GALNT13: variants seen among roughly 807,000 people sequenced by gnomAD.
GALNT13 encodes polypeptide N-acetylgalactosaminyltransferase 13.
GALNT13 carries 28 observed loss-of-function variants against 64.2 expected under a neutral mutation model. That is an observed-to-expected ratio of 0.44 (90% CI 0.32 to 0.60). The LOEUF (loss-of-function observed/expected upper bound fraction) is 0.60, where lower values mean the gene tolerates loss of function less well. Among genes scored for constraint, GALNT13 ranks in the 20% least tolerant of loss-of-function variants. The probability of loss-of-function intolerance (pLI) is 0.05; values close to 1 mark genes in which losing one functional copy is unlikely to be tolerated. For synonymous variants in GALNT13, 214 were observed against 224.6 expected, an observed-to-expected ratio of 0.95 and a Z score of 0.42; for missense variants, 577 against 669.8, an observed-to-expected ratio of 0.86 and a Z score of 1.53.
At position 153,934,469 on chromosome 2, in the gene GALNT13, A is replaced by G. The variant is rs1690756752; in HGVS notation, c.-104-9925A>G. 2.0e-5 allele frequency among the ~76,000 whole-genome samples: 3 copies of G among 152,144 alleles called. No homozygotes were observed. The South Asian group carries it at 6.2e-4, about 32-fold the overall frequency. ...CTAAAAGTTAGCTTGTTATTATGTC[A>G]TGGATTTGGGCAGAATGGACTTCTG... On this transcript the variant is annotated intron_variant, in intron 2 of 12. Coordinates refer to ENST00000392825, the MANE Select transcript of GALNT13 (RefSeq NM_052917.4).
At chr2:154,081,632 A>T (rs767681791) in intron 3 of GALNT13, among the ~76,000 whole-genome samples, 1 of 151,774 alleles carries the variant, frequency 6.6e-6, no homozygotes, top group South Asian at 2.1e-4. Flanking sequence ...TCCTCACCCA[A>T]ATTATACGCA....
At chr2:154,380,043 A>G (rs1167246140) in intron 9 of GALNT13, among the ~76,000 whole-genome samples, 1 of 152,108 alleles carries the variant, frequency 6.6e-6, no homozygotes, top group African/African-American at 2.4e-5. Context: ...AGTGGAATAA[A>G]TAAGACAGTA....
the GALNT13 span, among the ~76,000 whole-genome samples, chr2:153,127,633 C>G: frequency 5.3e-5 from 8 of 152,124 alleles, no homozygotes; most frequent in South Asian, 2.1e-4. Context: ...TTATCATCTT[C>G]TAGTTATGTT....
At chr2:154,051,706 C>T (rs1699630604) in intron 3 of GALNT13, among the ~76,000 whole-genome samples, 1 of 152,126 alleles carries the variant, frequency 6.6e-6, no homozygotes, top group African/African-American at 2.4e-5. Context: ...TATAAATTCC[C>T]ATTAGTACTA....
At chr2:153,381,173 C>T in the GALNT13 span, among the ~76,000 whole-genome samples, 1 of 152,074 alleles carries the variant, frequency 6.6e-6, no homozygotes, top group African/African-American at 2.4e-5. Context: ...TGTCAAACTC[C>T]TGGGCTCAAG....
At chr2:154,437,362 G>A (rs986241288) in intron 11 of GALNT13, 2 of 288,094 alleles carry the variant, frequency 6.9e-6, no homozygotes, top group South Asian at 3.2e-5. Context: ...TTCAGCTTAC[G>A]GAGCTCCAGA....
chr2:154,376,384 G>A (rs953592944), intron 9 of GALNT13, among the ~76,000 whole-genome samples: 7 of 151,986 alleles, frequency 4.6e-5, no homozygotes, highest in Non-Finnish European at 5.9e-5. Flanking sequence ...TTTGTAGATG[G>A]GATACATTTG....
chr2:153,411,890 G>A, the GALNT13 span, among the ~76,000 whole-genome samples: 2 of 152,198 alleles, frequency 1.3e-5, no homozygotes, highest in South Asian at 2.1e-4. Context: ...GATCCTTGAT[G>A]TGTCTGTGAG....
At chr2:153,850,074 G>A in the GALNT13 span, among the ~76,000 whole-genome samples, 2 of 151,002 alleles carry the variant, frequency 1.3e-5, no homozygotes, top group African/African-American at 4.9e-5. Flanking sequence ...AGCTACTCCG[G>A]AGGCTGAGGC....
chr2:153,457,268 C>G, the GALNT13 span, among the ~76,000 whole-genome samples: 1 of 152,124 alleles, frequency 6.6e-6, no homozygotes, highest in African/African-American at 2.4e-5. Context: ...TAGGTAAATA[C>G]TTTTAAAATC....
At chr2:154,417,802 G>A (rs1405465100) in intron 11 of GALNT13, among the ~76,000 whole-genome samples, 1 of 151,934 alleles carries the variant, frequency 6.6e-6, no homozygotes, top group Non-Finnish European at 1.5e-5. Context: ...GTGAGCCACC[G>A]CGCCCGGCCA....
chr2:154,037,461 C>T (rs1159055266), intron 3 of GALNT13, among the ~76,000 whole-genome samples: 2 of 152,108 alleles, frequency 1.3e-5, no homozygotes, highest in Non-Finnish European at 2.9e-5. Context: ...ACAAGGATGC[C>T]TCCTTTCACC....
the GALNT13 span, among the ~76,000 whole-genome samples, chr2:153,246,131 A>C: frequency 6.6e-6 from 1 of 152,180 alleles, no homozygotes; most frequent in South Asian, 2.1e-4. Flanking sequence ...CAAAGCCTCC[A>C]AGAAATATGG....
At chr2:153,778,711 C>G in the GALNT13 span, among the ~76,000 whole-genome samples, 1 of 152,174 alleles carries the variant, frequency 6.6e-6, no homozygotes, top group African/African-American at 2.4e-5. Flanking sequence ...TTCTCAATCT[C>G]TATTATAATC....
intron 4 of GALNT13, among the ~76,000 whole-genome samples, chr2:154,145,089 T>C (rs1683500451): frequency 1.6e-5 from 2 of 123,536 alleles, no homozygotes; most frequent in Non-Finnish European, 3.5e-5. Flanking sequence ...TCTATCTATC[T>C]ATCTATCTAT....
At chr2:154,013,669 G>A (rs753783769) in intron 3 of GALNT13, among the ~76,000 whole-genome samples, 16 of 152,088 alleles carry the variant, frequency 1.1e-4, no homozygotes, top group East Asian at 1.9e-4. Context: ...TGCACCCACC[G>A]CTGTGCGGTG....
At chr2:153,588,954 G>T in the GALNT13 span, among the ~76,000 whole-genome samples, 1 of 152,096 alleles carries the variant, frequency 6.6e-6, no homozygotes, top group African/African-American at 2.4e-5. Context: ...ATCACCTGAT[G>T]TTGGGAGTTT....
chr2:154,447,968 C>T (rs1217343989), intron 12 of GALNT13, among the ~76,000 whole-genome samples: 2 of 151,988 alleles, frequency 1.3e-5, no homozygotes, highest in Admixed American at 6.6e-5. Flanking sequence ...GAGTGCTTCT[C>T]TCCATAGGAG....
At chr2:153,564,576 G>T in the GALNT13 span, among the ~76,000 whole-genome samples, 3 of 151,080 alleles carry the variant, frequency 2.0e-5, no homozygotes, top group African/African-American at 7.3e-5. Context: ...TTCAAGTGGG[G>T]TCAACATATG....
Sources: gnomAD v4.1 joint callset for allele counts (sites outside exome capture counted in the v4.1 genomes callset) on GRCh38, gnomAD v4.1.1 for gene constraint, MANE v1.5 for transcripts, NCBI Gene and HGNC (gene_info 2026-07-23, HGNC 2026-07-21) for gene names.